PFDN1: variants seen among roughly 807,000 people sequenced by gnomAD.
The protein encoded by PFDN1 is prefoldin 1.
PFDN1 carries 6 observed loss-of-function variants against 17.3 expected under a neutral mutation model. The ratio of observed to expected loss-of-function variants is 0.35; its 90% CI spans 0.19 to 0.69. PFDN1 has a LOEUF of 0.69. Ranked by LOEUF, PFDN1 falls within the 30% of genes least tolerant of loss-of-function variation. The pLI, the probability that PFDN1 is intolerant of heterozygous loss-of-function variation, is 0.65. For synonymous variants in PFDN1, 58 were observed against 50.1 expected, an observed-to-expected ratio of 1.16 and a Z score of -0.67; for missense variants, 113 against 146.2, an observed-to-expected ratio of 0.77 and a Z score of 1.17.
chr5:140,291,595 G>A (rs1765582029), intron 2 of PFDN1, among the ~76,000 whole-genome samples: 1 of 151,808 alleles, frequency 6.6e-6, no homozygotes, highest in Admixed American at 6.6e-5. Context: ...AAAAAATCTG[G>A]GAGTTGTCAG....
intron 1 of PFDN1, among the ~76,000 whole-genome samples, chr5:140,301,701 T>G (rs905198138): frequency 6.6e-6 from 1 of 152,240 alleles, no homozygotes; most frequent in Non-Finnish European, 1.5e-5. Flanking sequence ...TTTCTTAGTT[T>G]GCATTCACCG....
intron 3 of PFDN1, among the ~76,000 whole-genome samples, chr5:140,256,658 CAAAAAAAAA>C (rs757723797): frequency 4.3e-4 from 17 of 39,892 alleles, no homozygotes; most frequent in African/African-American, 1.1e-3. Flanking sequence ...CAAAAAATGA[CAAAAAAAAA>C]AAAAAAAAAA....
At position 140,276,708 on chromosome 5, in the gene PFDN1, G is replaced by A. The variant is rs558560808; in HGVS notation, c.285+4741C>T. On this transcript the variant is annotated intron_variant, in intron 3 of 3. Transcript: ENST00000261813. ...AGGCAGGAGAATTGTTCCAACCCAG[G>A]AGGCAGAGGTTGCTGTGAGCCAAGA... Among the ~76,000 whole-genome samples the A allele has an allele frequency of 9.0e-5, 13 of 145,188 alleles. No individual in the cohort carries two copies. The East Asian group carries it at 1.7e-3, about 19-fold the overall frequency.
chr5:140,293,703 A>G (rs1765612516), intron 2 of PFDN1, among the ~76,000 whole-genome samples: 1 of 152,066 alleles, frequency 6.6e-6, no homozygotes, highest in Non-Finnish European at 1.5e-5. Context: ...ATGTCATTCT[A>G]GACAGCAGTA....
intron 3 of PFDN1, among the ~76,000 whole-genome samples, chr5:140,249,432 T>C (rs769039732): frequency 2.6e-5 from 4 of 152,212 alleles, no homozygotes; most frequent in Non-Finnish European, 5.9e-5. Flanking sequence ...AGTATGATCC[T>C]AGCTTATAAA....
chr5:140,268,701 T>C (rs77350573), intron 3 of PFDN1, among the ~76,000 whole-genome samples: 1,692 of 152,200 alleles, frequency 0.011, 35 homozygotes, highest in African/African-American at 0.039. Flanking sequence ...CACAGGAACA[T>C]GCATGCTACT....
chr5:140,289,378 C>T (rs1765546789), intron 2 of PFDN1, among the ~76,000 whole-genome samples: 1 of 152,116 alleles, frequency 6.6e-6, no homozygotes, highest in South Asian at 2.1e-4. Context: ...ACATACAGCA[C>T]CTAGACCCTG....
intron 3 of PFDN1, among the ~76,000 whole-genome samples, chr5:140,271,102 C>T (rs995711701): frequency 1.7e-4 from 26 of 152,130 alleles, no homozygotes; most frequent in Middle Eastern, 3.4e-3. Context: ...AGAAAAAATG[C>T]TCAAACAGAA....
chr5:140,302,625 G>C (rs1255381229), intron 1 of PFDN1, among the ~76,000 whole-genome samples: 1 of 152,186 alleles, frequency 6.6e-6, no homozygotes, highest in Non-Finnish European at 1.5e-5. Flanking sequence ...TAAAAACAAA[G>C]GTTGGACTTG....
At chr5:140,293,148 A>G (rs930151658) in intron 2 of PFDN1, 3 of 152,216 alleles carry the variant, frequency 2.0e-5, no homozygotes, top group African/African-American at 7.2e-5. Context: ...TTAACAGTTC[A>G]AGACTGCTGC....
chr5:140,280,033 A>AAAAG (rs1444400263), intron 3 of PFDN1, among the ~76,000 whole-genome samples: 4 of 150,368 alleles, frequency 2.7e-5, no homozygotes, highest in Non-Finnish European at 5.9e-5. Flanking sequence ...AAAAGAAAAG[A>AAAAG]AAAGAAAGAA....
At chr5:140,264,905 A>G (rs1010805646) in intron 3 of PFDN1, among the ~76,000 whole-genome samples, 2 of 152,182 alleles carry the variant, frequency 1.3e-5, no homozygotes. Context: ...TGTGTACATA[A>G]TATGTGAGTA....
chr5:140,295,537 T>G (rs904581772), intron 2 of PFDN1, among the ~76,000 whole-genome samples: 4 of 152,144 alleles, frequency 2.6e-5, no homozygotes, highest in African/African-American at 9.7e-5. Context: ...CACAAACAGC[T>G]TAAGTAGCAA....
chr5:140,253,447 A>G (rs1036196740), intron 3 of PFDN1, among the ~76,000 whole-genome samples: 7 of 152,246 alleles, frequency 4.6e-5, no homozygotes, highest in East Asian at 1.9e-4. Flanking sequence ...TTCAAACAAC[A>G]GTGTTTAGCT....
intron 1 of PFDN1, 118 bp downstream of exon 1, chr5:140,302,923 C>A: frequency 1.2e-6 from 1 of 813,016 alleles, no homozygotes; most frequent in Non-Finnish European, 2.2e-6. Flanking sequence ...GGAAACCATT[C>A]CCTAGTCCAC....
In PFDN1 at chr5:140,245,231, C is replaced by T; in HGVS notation, c.*743G>A. The T allele has an allele frequency of 4.7e-6, 2 of 422,174 alleles. No homozygotes were observed. The highest frequency in any genetic ancestry group is 1.3e-3 in the Middle Eastern group (2 of 1,580). 26.2% of individuals were successfully genotyped at this position (422,174 alleles called of 1,614,324 possible). On this transcript the variant is annotated 3_prime_UTR_variant, in exon 4 of 4. Coordinates refer to ENST00000261813, the MANE Select transcript of PFDN1 (RefSeq NM_002622.5). ...GAGCCAGCTGGATCACACCGTTGCC[C>T]CCTCAGCCTCTAGGAGGCCTCAGGA...
intron 3 of PFDN1, among the ~76,000 whole-genome samples, chr5:140,273,102 G>A (rs1002078906): frequency 6.6e-5 from 10 of 151,838 alleles, no homozygotes; most frequent in African/African-American, 1.7e-4. Context: ...AAAATTAGCC[G>A]GGCATGGTGG....
chr5:140,271,995 A>G (rs1765212981), intron 3 of PFDN1, among the ~76,000 whole-genome samples: 1 of 146,678 alleles, frequency 6.8e-6, no homozygotes, highest in Non-Finnish European at 1.5e-5. Context: ...TTATATACAT[A>G]AGATATATTT....
chr5:140,274,923 A>C (rs1185362586), intron 3 of PFDN1, among the ~76,000 whole-genome samples: 3 of 150,646 alleles, frequency 2.0e-5, no homozygotes, highest in African/African-American at 7.3e-5. Context: ...AACCTGGGAC[A>C]TGGAGATTGC....
Sources: allele counts gnomAD v4.1 joint callset (sites outside exome capture counted in the v4.1 genomes callset), GRCh38; gene constraint gnomAD v4.1.1; transcripts MANE v1.5; gene names NCBI Gene and HGNC (gene_info 2026-07-23, HGNC 2026-07-21).